CCSER1: variants seen among roughly 807,000 people sequenced by gnomAD.
CCSER1 encodes the protein serine-rich coiled-coil domain-containing protein 1.
CCSER1 carries 41 observed loss-of-function variants against 82.0 expected under a neutral mutation model. That is an observed-to-expected ratio of 0.50 (90% CI 0.39 to 0.65). The LOEUF is 0.65. Among genes scored for constraint, CCSER1 ranks in the 30% least tolerant of loss-of-function variants. CCSER1 has a pLI of 0.00. For synonymous variants in CCSER1, 414 were observed against 383.9 expected (o/e 1.08, Z -0.92); for missense variants, 1,119 against 1,064.2 (o/e 1.05, Z -0.72).
rs147439501 is a variant in CCSER1 at position 90,128,608 on chromosome 4, C to G, written c.-42+777C>G. Among the ~76,000 whole-genome samples, 918 of 152,170 alleles carry G rather than the reference C, an allele frequency of 6.0e-3. 6 individuals carry two copies. Among genetic ancestry groups the G allele is most frequent in the Middle Eastern group, 0.048 (14 of 294 alleles). On this transcript the variant is annotated intron_variant, in intron 1 of 10. Transcript: ENST00000509176. Reference sequence around the variant, plus strand: ...CTGAAACCGCATGTGGCCCCCTGGCCCCTTCGACTTTTGGCTTGTGTCCCA... The same window carrying G: ...CTGAAACCGCATGTGGCCCCCTGGCGCCTTCGACTTTTGGCTTGTGTCCCA...
intron 9 of CCSER1, among the ~76,000 whole-genome samples, chr4:90,989,902 T>C (rs1330412727): frequency 1.3e-5 from 2 of 151,612 alleles, no homozygotes; most frequent in African/African-American, 2.4e-5. Flanking sequence ...GATCCGGAAA[T>C]ATATAGAGCA....
At chr4:90,407,656 G>T (rs549579893) in intron 4 of CCSER1, among the ~76,000 whole-genome samples, 21 of 152,228 alleles carry the variant, frequency 1.4e-4, no homozygotes, top group African/African-American at 4.8e-4. Flanking sequence ...TCCAGAGGTG[G>T]AGCCAAGATG....
intron 4 of CCSER1, among the ~76,000 whole-genome samples, chr4:90,422,862 T>A (rs1400781062): frequency 6.6e-6 from 1 of 152,204 alleles, no homozygotes; most frequent in African/African-American, 2.4e-5. Flanking sequence ...TTGTCCCAAG[T>A]GCAGTACACT....
chr4:91,131,215 TTCA>T (rs1178329946), intron 10 of CCSER1, among the ~76,000 whole-genome samples: 1 of 151,988 alleles, frequency 6.6e-6, no homozygotes, highest in Non-Finnish European at 1.5e-5. Context: ...GAAAATGTCA[TTCA>T]TAGATGGTTT....
chr4:90,533,533 G>T (rs1264118583), intron 5 of CCSER1, among the ~76,000 whole-genome samples: 1 of 152,190 alleles, frequency 6.6e-6, no homozygotes, highest in African/African-American at 2.4e-5. Flanking sequence ...TCCAGATTTT[G>T]TAGCTATCAG....
chr4:90,257,415 A>G (rs2153446536), intron 1 of CCSER1, among the ~76,000 whole-genome samples: 1 of 152,200 alleles, frequency 6.6e-6, no homozygotes, highest in Middle Eastern at 3.4e-3. Context: ...TGGTGTATTT[A>G]AAAGTCAAAT....
At chr4:90,870,000 G>A (rs1443180978) in intron 8 of CCSER1, among the ~76,000 whole-genome samples, 1 of 151,682 alleles carries the variant, frequency 6.6e-6, no homozygotes, top group Non-Finnish European at 1.5e-5. Context: ...TTTTCAGATT[G>A]TTCACTCTTA....
rs151266868 is a variant in CCSER1 at position 90,310,454 on chromosome 4, A to T, written c.1324+846A>T. Among the ~76,000 whole-genome samples the T allele has an allele frequency of 3.4e-3, 519 of 152,198 alleles. 1 individual carries two copies. Among genetic ancestry groups the T allele is most frequent in the Non-Finnish European group, 6.1e-3 (414 of 67,952 alleles). ...TTTCCCAAATTTGGAAGTGATTATT[A>T]TGTCCTAGATATTATTCTGTATACT... On this transcript the variant is annotated intron_variant, in intron 2 of 10. Coordinates refer to ENST00000509176, the MANE Select transcript of CCSER1 (RefSeq NM_001145065.2).
chr4:91,073,315 T>C (rs1001576419), intron 9 of CCSER1, among the ~76,000 whole-genome samples: 2 of 152,092 alleles, frequency 1.3e-5, no homozygotes, highest in African/African-American at 2.4e-5. Context: ...TGAATATTTT[T>C]TCAATAAATG....
chr4:90,524,159 G>C (rs571727156), intron 5 of CCSER1, among the ~76,000 whole-genome samples: 34 of 152,120 alleles, frequency 2.2e-4, no homozygotes, highest in Non-Finnish European at 4.4e-4. Context: ...TAATCTTTTT[G>C]TCTGAATTCC....
chr4:90,256,213 G>A (rs1178035495), intron 1 of CCSER1, among the ~76,000 whole-genome samples: 2 of 152,086 alleles, frequency 1.3e-5, no homozygotes, highest in Admixed American at 6.6e-5. Context: ...CTCCATTCAT[G>A]CTCAAAATCT....
Position 90,644,041 on chromosome 4 carries a change from T to C in CCSER1, c.1932+15809T>C, listed in dbSNP as rs72873706. Among the ~76,000 whole-genome samples the C allele has an allele frequency of 3.6e-3, 546 of 152,296 alleles. 6 individuals carry two copies. Among genetic ancestry groups the C allele is most frequent in the African/African-American group, 0.012 (516 of 41,556 alleles). On this transcript the variant is annotated intron_variant, in intron 6 of 10. Coordinates refer to ENST00000509176, the MANE Select transcript of CCSER1 (RefSeq NM_001145065.2). ...CCTTGATTTTAGTATCCTATTTCTT[T>C]CATGTGCCAGAGCTGAAGTTTGGGC...
chr4:91,413,705 G>A (rs989447318), intron 10 of CCSER1, among the ~76,000 whole-genome samples: 1 of 151,832 alleles, frequency 6.6e-6, no homozygotes, highest in Non-Finnish European at 1.5e-5. Context: ...TAAAGCTCTG[G>A]GGATCTAAGC....
At chr4:91,215,558 G>A (rs905836081) in intron 10 of CCSER1, among the ~76,000 whole-genome samples, 1 of 152,156 alleles carries the variant, frequency 6.6e-6, no homozygotes, top group Non-Finnish European at 1.5e-5. Context: ...ACAGGAGAGA[G>A]ATGGAGGCCA....
chr4:91,365,366 T>G (rs1749538629), intron 10 of CCSER1, among the ~76,000 whole-genome samples: 1 of 152,222 alleles, frequency 6.6e-6, no homozygotes, highest in South Asian at 2.1e-4. Context: ...TGTACGTTTT[T>G]GATTCTCTAT....
intron 6 of CCSER1, among the ~76,000 whole-genome samples, chr4:90,712,954 T>C (rs1740930923): frequency 6.6e-6 from 1 of 151,798 alleles, no homozygotes; most frequent in Non-Finnish European, 1.5e-5. Context: ...TGTCAGATAG[T>C]AGGATTGCAA....
intron 10 of CCSER1, among the ~76,000 whole-genome samples, chr4:91,135,792 A>G (rs546744672): frequency 6.6e-6 from 1 of 152,218 alleles, no homozygotes; most frequent in Non-Finnish European, 1.5e-5. Context: ...ACCTGGGTGC[A>G]GCATGAAGGG....
At chr4:90,555,199 C>T (rs1176629465) in intron 5 of CCSER1, among the ~76,000 whole-genome samples, 1 of 151,824 alleles carries the variant, frequency 6.6e-6, no homozygotes, top group Non-Finnish European at 1.5e-5. Flanking sequence ...GTAGCATTTA[C>T]ATAGGAACGT....
intron 10 of CCSER1, among the ~76,000 whole-genome samples, chr4:91,493,696 T>A (rs1221476681): frequency 6.6e-6 from 1 of 151,756 alleles, no homozygotes; most frequent in Non-Finnish European, 1.5e-5. Flanking sequence ...TCATAGTGAA[T>A]TATGATTAAT....
Sources: gnomAD v4.1 joint callset for allele counts (sites outside exome capture counted in the v4.1 genomes callset) on GRCh38, gnomAD v4.1.1 for gene constraint, MANE v1.5 for transcripts, NCBI Gene and HGNC (gene_info 2026-07-23, HGNC 2026-07-21) for gene names.